The following ZFYVE9 variants were observed in gnomAD, a reference collection of about 807,000 sequenced individuals.
ZFYVE9 encodes zinc finger FYVE-type containing 9.
Under a neutral mutation model 126.7 loss-of-function variants are expected in ZFYVE9, and 43 were observed. That is an observed-to-expected ratio of 0.34 (90% CI 0.27 to 0.44). ZFYVE9 has a LOEUF of 0.44. Ranked by LOEUF, ZFYVE9 falls within the 20% of genes least tolerant of loss-of-function variation. The pLI, the probability that ZFYVE9 is intolerant of heterozygous loss-of-function variation, is 1.00. For synonymous variants in ZFYVE9, 521 were observed against 597.4 expected (o/e 0.87, Z 1.87); for missense variants, 1,476 against 1,697.0 (o/e 0.87, Z 2.29).
intron 4 of ZFYVE9, among the ~76,000 whole-genome samples, chr1:52,261,016 T>C (rs989074909): frequency 2.6e-5 from 4 of 152,052 alleles, no homozygotes; most frequent in African/African-American, 9.7e-5. Flanking sequence ...ACATACTATT[T>C]CCTCTACTAT....
At chr1:52,316,061 A>C (rs1299846574) in intron 13 of ZFYVE9, among the ~76,000 whole-genome samples, 2 of 139,648 alleles carry the variant, frequency 1.4e-5, no homozygotes, top group Non-Finnish European at 3.1e-5. Flanking sequence ...CCTACTCGGG[A>C]GGCTGAGGCA....
chr1:52,165,187 G>C (rs1644501396), intron 1 of ZFYVE9, among the ~76,000 whole-genome samples: 1 of 152,068 alleles, frequency 6.6e-6, no homozygotes, highest in Admixed American at 6.6e-5. Context: ...TGCCTTTCTT[G>C]TTTTTAATTA....
At chr1:52,183,858 CTTT>C (rs34718528) in intron 1 of ZFYVE9, among the ~76,000 whole-genome samples, 6 of 134,410 alleles carry the variant, frequency 4.5e-5, no homozygotes, top group Admixed American at 7.4e-5. Context: ...TTCTATCTTT[CTTT>C]TTTTTTTTTT....
chr1:52,162,876 A>G, intron 1 of ZFYVE9: 1 of 485,080 alleles, frequency 2.1e-6, no homozygotes. Context: ...TTGATCGAGA[A>G]TGGGATTCAG....
At chr1:52,181,182 G>C (rs1395423077) in intron 1 of ZFYVE9, among the ~76,000 whole-genome samples, 1 of 151,994 alleles carries the variant, frequency 6.6e-6, no homozygotes, top group African/African-American at 2.4e-5. Context: ...CAACCTCCCT[G>C]CCTGATTCTC....
intron 4 of ZFYVE9, among the ~76,000 whole-genome samples, chr1:52,260,568 G>C (rs1645568548): frequency 6.6e-6 from 1 of 152,020 alleles, no homozygotes; most frequent in Non-Finnish European, 1.5e-5. Context: ...TGTAATCCCA[G>C]CACTTTGGGA....
chr1:52,217,010 C>A (rs1025860559), intron 2 of ZFYVE9, among the ~76,000 whole-genome samples: 1 of 151,702 alleles, frequency 6.6e-6, no homozygotes, highest in African/African-American at 2.4e-5. Context: ...GGGTGTGAAC[C>A]CCCAATATCT....
chr1:52,170,556 T>C (rs1227828633), intron 1 of ZFYVE9, among the ~76,000 whole-genome samples: 4 of 152,176 alleles, frequency 2.6e-5, no homozygotes, highest in African/African-American at 4.8e-5. Flanking sequence ...TCTAGTTCTT[T>C]AAGATGCATC....
At chr1:52,295,870 G>GT (rs760135559) in intron 11 of ZFYVE9, 25 bp from the exon 12 acceptor site, 1 of 1,594,232 alleles carries the variant, frequency 6.3e-7, no homozygotes, top group South Asian at 1.1e-5. Context: ...CCAAATTTAA[G>GT]TTTGATCATT....
At chr1:52,274,324 G>C (rs1444248160) in intron 7 of ZFYVE9, 140 bp from the exon 8 acceptor site, 2 of 1,034,100 alleles carry the variant, frequency 1.9e-6, no homozygotes, top group Non-Finnish European at 1.4e-6. Flanking sequence ...TTAATCCATG[G>C]GTTAATGAAT....
intron 4 of ZFYVE9, chr1:52,253,895 G>A: frequency 8.9e-7 from 1 of 1,128,646 alleles, no homozygotes; most frequent in Non-Finnish European, 1.4e-6. Context: ...TATACTCCAA[G>A]CAAGATTTCA....
intron 13 of ZFYVE9, among the ~76,000 whole-genome samples, chr1:52,306,447 C>A (rs761819145): frequency 1.3e-5 from 2 of 152,208 alleles, no homozygotes; most frequent in African/African-American, 4.8e-5. Flanking sequence ...TCCTCTATTA[C>A]GTCACTCATA....
At chr1:52,274,284 G>A (rs1181362211) in intron 7 of ZFYVE9, among the ~76,000 whole-genome samples, 180 bp from the exon 8 acceptor site, 2 of 152,126 alleles carry the variant, frequency 1.3e-5, no homozygotes, top group Admixed American at 1.3e-4. Context: ...CATTTTCATA[G>A]TATAAGCCTG....
chr1:52,184,371 C>T lies in ZFYVE9; in HGVS notation c.-142-31998C>T, dbSNP rs770047599. ...CCTCCCAAGTAGCTGGGAGTACAGG[C>T]GCCTGCCACCAAGTCCAGCTAATTT... On this transcript the variant is annotated intron_variant, in intron 1 of 18. Coordinates refer to ENST00000287727, the MANE Select transcript of ZFYVE9 (RefSeq NM_004799.4). Among the ~76,000 whole-genome samples the T allele has an allele frequency of 3.3e-3, 478 of 146,788 alleles. 4 individuals are homozygous for T. The highest frequency in any genetic ancestry group is 7.8e-3 in the Admixed American group (114 of 14,636).
At chr1:52,281,562 A>G in intron 9 of ZFYVE9, 99 bp from the exon 10 acceptor site, 3 of 1,343,456 alleles carry the variant, frequency 2.2e-6, no homozygotes, top group Non-Finnish European at 3.1e-6. Flanking sequence ...GATCTATTTT[A>G]ATCTTTGCTG....
intron 1 of ZFYVE9, among the ~76,000 whole-genome samples, chr1:52,194,500 T>C (rs1385814546): frequency 1.3e-5 from 2 of 152,218 alleles, no homozygotes; most frequent in Admixed American, 6.5e-5. Context: ...AATAGATGTT[T>C]AGCTTTTATT....
intron 1 of ZFYVE9, among the ~76,000 whole-genome samples, chr1:52,143,017 T>C (rs1237753644): frequency 6.6e-6 from 1 of 152,210 alleles, no homozygotes; most frequent in East Asian, 1.9e-4. Context: ...CTCTTTATAT[T>C]ATATCTTGCC....
chr1:52,290,666 A>G (rs1645910203), intron 10 of ZFYVE9, among the ~76,000 whole-genome samples: 2 of 152,142 alleles, frequency 1.3e-5, no homozygotes, highest in African/African-American at 4.8e-5. Context: ...AAAGTTCCTG[A>G]CACTCTATCC....
chr1:52,281,544 C>A, intron 9 of ZFYVE9, 117 bp from the exon 10 acceptor site: 1 of 1,165,744 alleles, frequency 8.6e-7, no homozygotes, highest in Non-Finnish European at 1.2e-6. Flanking sequence ...ATTATACAGA[C>A]TCAGTGTGAT....
Sources: allele counts gnomAD v4.1 joint callset (sites outside exome capture counted in the v4.1 genomes callset), GRCh38; gene constraint gnomAD v4.1.1; transcripts MANE v1.5; gene names NCBI Gene and HGNC (gene_info 2026-07-23, HGNC 2026-07-21).